MLXIP: variants seen among roughly 807,000 people sequenced by gnomAD.
The protein encoded by MLXIP is MLX interacting protein, also known as MLX-interacting protein.
A neutral mutation model predicts 87.2 loss-of-function variants in MLXIP; 30 were observed. The observed-to-expected ratio is 0.34, with a 90% CI of 0.26 to 0.47. MLXIP has a LOEUF of 0.47. Ranked by LOEUF, MLXIP falls within the 20% of genes least tolerant of loss-of-function variation. The probability of loss-of-function intolerance (pLI) is 1.00; values close to 1 mark genes in which losing one functional copy is unlikely to be tolerated. For missense variants in MLXIP, 1,002 were observed against 1,240.1 expected (o/e 0.81, Z 2.88); for synonymous variants, 530 against 514.0 (o/e 1.03, Z -0.42).
intron 1 of MLXIP, among the ~76,000 whole-genome samples, chr12:122,092,425 C>A (rs996103051): frequency 6.6e-6 from 1 of 152,060 alleles, no homozygotes; most frequent in African/African-American, 2.4e-5. Flanking sequence ...GGTGTTCTTA[C>A]ACTACGTCTA....
chr12:122,083,966 C>T (rs753499453), intron 1 of MLXIP, among the ~76,000 whole-genome samples: 2 of 152,116 alleles, frequency 1.3e-5, no homozygotes, highest in Non-Finnish European at 2.9e-5. Context: ...TTAGATGGTG[C>T]GCCGTTGCAG....
intron 1 of MLXIP, among the ~76,000 whole-genome samples, chr12:122,094,649 GGTGTGTTGGTGTGTGTGCAGGTGT>G (rs2135914366): frequency 6.8e-6 from 1 of 146,306 alleles, no homozygotes; most frequent in South Asian, 2.3e-4. Context: ...TGGTGTGTGT[GGTGTGTTGGTGTGTGTGCAGGTGT>G]GTGTGCGATG....
In MLXIP at chr12:122,145,461, A is replaced by G. The variant is rs974910730; in HGVS notation, c.*3649A>G. 6.6e-6 allele frequency: 1 copy of G among 152,362 alleles called. No individual in the cohort carries two copies. Among genetic ancestry groups the G allele is most frequent in the Non-Finnish European group, 1.5e-5 (1 of 68,136 alleles). The allele number at this position is 152,362 out of a possible 1,614,324, so 9.4% of individuals were successfully genotyped here. A position where few individuals can be genotyped will look rare whatever the true frequency, so the allele number is the denominator to read the frequency against. On this transcript the variant is annotated 3_prime_UTR_variant, in exon 17 of 17. Transcript: ENST00000319080. ...TGCCCAGATAAAGTAGCACAGTGGC[A>G]GGCAGCACCTCTGTCTGTTGCTGAC...
At position 122,120,319 on chromosome 12, in the gene MLXIP, C is replaced by T. The variant is rs543731758; in HGVS notation, c.414-6937C>T. Among the ~76,000 whole-genome samples, 3 of 152,142 alleles carry T rather than the reference C, an allele frequency of 2.0e-5. No homozygotes were observed. The South Asian group carries it at 6.2e-4, about 32-fold the overall frequency. ...CTCACTGCAGCCTTGACCTCCTGGGCTCGAGCAATCCTCCCATCTCAGTCT... is the reference window on the plus strand; with the variant it reads ...CTCACTGCAGCCTTGACCTCCTGGGTTCGAGCAATCCTCCCATCTCAGTCT... On this transcript the variant is annotated intron_variant, in intron 1 of 16. Coordinates refer to ENST00000319080, the MANE Select transcript of MLXIP (RefSeq NM_014938.6).
intron 6 of MLXIP, 101 bp from the exon 7 acceptor site, chr12:122,130,743 G>A: frequency 1.2e-6 from 1 of 809,854 alleles, no homozygotes; most frequent in Middle Eastern, 2.3e-4. Flanking sequence ...GAAGACTCTG[G>A]GATGTGAGCA....
At position 122,142,029 on chromosome 12, in the gene MLXIP, C is replaced by T. The variant is rs1953216346; in HGVS notation, c.*217C>T. 2.9e-6 allele frequency: 2 copies of T among 693,274 alleles called. No homozygotes were observed. Among genetic ancestry groups the T allele is most frequent in the South Asian group, 3.5e-5 (2 of 56,852 alleles). 42.9% of individuals were successfully genotyped at this position (693,274 alleles called of 1,614,324 possible). A position where few individuals can be genotyped will look rare whatever the true frequency, so the allele number is the denominator to read the frequency against. On this transcript the variant is annotated 3_prime_UTR_variant, in exon 17 of 17. Coordinates refer to ENST00000319080, the MANE Select transcript of MLXIP (RefSeq NM_014938.6). ...GCCTTTGGGAACCCCTTGCTGTGAA[C>T]TCTCTCACTCAGTGACCTCAGTCAC...
At chr12:122,105,793 A>C (rs1952510196) in intron 1 of MLXIP, among the ~76,000 whole-genome samples, 2 of 151,592 alleles carry the variant, frequency 1.3e-5, no homozygotes, top group South Asian at 2.1e-4. Flanking sequence ...AAAAAAAAAA[A>C]CTTCCCTTTT....
Position 122,129,209 on chromosome 12 carries a change from A to G in MLXIP, c.679A>G (p.Thr227Ala), listed in dbSNP as rs1412107266. 2 of 1,609,830 alleles carry G rather than the reference A, an allele frequency of 1.2e-6. No individual in the cohort carries two copies. Among genetic ancestry groups the G allele is most frequent in the Non-Finnish European group, 1.7e-6 (2 of 1,178,102 alleles). The change falls in exon 4 of 17, where the codon ACC becomes GCC. Residue 227 changes from threonine (T) to alanine (A), a missense_variant. This residue lies in a region of MLXIP where 127 missense variants were observed against 239.0 expected (regional missense o/e 0.53). Transcript: ENST00000319080. The part of the protein sequence containing the change: ...IVIREYHKWR[T>A]YFKKRLQQHK... ...GATCCGGGAGTATCACAAGTGGAGA[A>G]CCTACTTCAAGAAAAGGGTATCTGG... is the stretch of plus-strand genomic sequence containing the variant.
intron 1 of MLXIP, among the ~76,000 whole-genome samples, chr12:122,083,388 C>T (rs1042956024): frequency 2.6e-5 from 4 of 152,002 alleles, no homozygotes; most frequent in African/African-American, 9.7e-5. Flanking sequence ...GTGGCCCCCT[C>T]CACGAATGCT....
rs1330961825 is a variant in MLXIP at position 122,145,888 on chromosome 12, C to G, written c.*4076C>G. ...GGCTTGGAGGGCCCGTCTCATCACC[C>G]CCGTTCGCCCTCAGCTGTCCCTTTC... On this transcript the variant is annotated 3_prime_UTR_variant, in exon 17 of 17. Transcript: ENST00000319080. The G allele has an allele frequency of 6.6e-6, 1 of 152,432 alleles. No individual in the cohort carries two copies. Among genetic ancestry groups the G allele is most frequent in the East Asian group, 1.9e-4 (1 of 5,194 alleles). 9.4% of individuals were successfully genotyped at this position (152,432 alleles called of 1,614,324 possible). A position where few individuals can be genotyped will look rare whatever the true frequency, so the allele number is the denominator to read the frequency against.
At chr12:122,139,125 T>A in intron 15 of MLXIP, 187 bp downstream of exon 15, 1 of 451,674 alleles carries the variant, frequency 2.2e-6, no homozygotes, top group Non-Finnish European at 2.9e-6. Flanking sequence ...GGGCTGGAGG[T>A]GCTGATGGGG....
At chr12:122,084,319 G>A (rs1467359840) in intron 1 of MLXIP, among the ~76,000 whole-genome samples, 1 of 152,118 alleles carries the variant, frequency 6.6e-6, no homozygotes, top group Non-Finnish European at 1.5e-5. Context: ...AGTGCTCCCC[G>A]CTTTAGCGGT....
At chr12:122,113,495 T>C (rs1952635580) in intron 1 of MLXIP, among the ~76,000 whole-genome samples, 1 of 152,080 alleles carries the variant, frequency 6.6e-6, no homozygotes, top group African/African-American at 2.4e-5. Context: ...CTCGCTCTTC[T>C]GGGTTCAAGC....
In MLXIP at chr12:122,135,135, C is replaced by A; in HGVS notation, c.1733-89C>A. ...CCTGTCCCCTGGGGTTGAGAACAAG[C>A]TGTCTCACTGGCAGAGAGGCAGCCT... On this transcript the variant is annotated intron_variant, in intron 9 of 16. Coordinates refer to ENST00000319080, the MANE Select transcript of MLXIP (RefSeq NM_014938.6). This position sits in a 1 kb window ranked among gnomAD's most constrained non-coding sequence, Gnocchi z 5.3. The A allele has an allele frequency of 6.6e-7, 1 of 1,516,750 alleles. No homozygotes were observed. The highest frequency in any genetic ancestry group is 9.0e-7 in the Non-Finnish European group (1 of 1,112,450). The allele number at this position is 1,516,750 out of a possible 1,614,324, so 94.0% of individuals were successfully genotyped here.
At chr12:122,121,014 T>TTTTTTG (rs1555231006) in intron 1 of MLXIP, among the ~76,000 whole-genome samples, 2 of 92,780 alleles carry the variant, frequency 2.2e-5, no homozygotes, top group African/African-American at 6.7e-5. Flanking sequence ...TGCTTGGTTT[T>TTTTTTG]TTTTTTTTTT....
intron 9 of MLXIP, chr12:122,134,508 C>G (rs1953048043): frequency 6.4e-6 from 1 of 157,360 alleles, no homozygotes; most frequent in African/African-American, 2.4e-5. Context: ...GCTGGGATTA[C>G]AGGCGCCCAT....
At chr12:122,085,934 C>T (rs1266857549) in intron 1 of MLXIP, among the ~76,000 whole-genome samples, 1 of 152,176 alleles carries the variant, frequency 6.6e-6, no homozygotes, top group Non-Finnish European at 1.5e-5. Flanking sequence ...TGCTGGTCTA[C>T]TGACCTTAAC....
intron 1 of MLXIP, among the ~76,000 whole-genome samples, chr12:122,123,866 A>G (rs1767625184): frequency 6.6e-6 from 1 of 152,058 alleles, no homozygotes; most frequent in Non-Finnish European, 1.5e-5. Flanking sequence ...TGCCCTGTTC[A>G]CACATTGAGG....
rs750867092 is a variant in MLXIP, at chr12:122,129,604, A to T, written c.713A>T (p.Asp238Val). The T allele has an allele frequency of 6.2e-7, 1 of 1,613,646 alleles. No individual in the cohort carries two copies. The highest frequency in any genetic ancestry group is 8.5e-7 in the Non-Finnish European group (1 of 1,179,828). The stretch of plus-strand genomic sequence containing the variant: ...TGCCCACAGCTACAGCAGCACAAGG[A>T]TGAGGACCTCTCCAGCCTGGTCCAG... ...YFKKRLQQHK[D>V]EDLSSLVQDD... The change falls in exon 5 of 17, where the codon GAT (aspartate) becomes GTT (valine). Residue 238 changes from aspartate to valine, a missense_variant. By Grantham distance (152) the Asp-to-Val change is radical (BLOSUM62 -3). Around this residue, in one of 3 missense-constraint regions of MLXIP, gnomAD observed 127 missense variants for 239.0 expected, o/e 0.53. Coordinates refer to ENST00000319080, the MANE Select transcript of MLXIP (RefSeq NM_014938.6).
Sources: gnomAD v4.1 joint callset for allele counts (sites outside exome capture counted in the v4.1 genomes callset) on GRCh38, gnomAD v4.1.1 for gene constraint, gnomAD v4.1.1 regional missense constraint, Gnocchi (gnomAD v3.1) non-coding constraint, MANE v1.5 for transcripts, NCBI Gene and HGNC (gene_info 2026-07-23, HGNC 2026-07-21) for gene names.